The following SLC16A10 variants were observed in gnomAD, a reference collection of about 807,000 sequenced individuals.
SLC16A10 encodes solute carrier family 16 member 10, also known as monocarboxylate transporter 10.
SLC16A10 carries 27 observed loss-of-function variants against 40.0 expected under a neutral mutation model. The ratio of observed to expected loss-of-function variants is 0.67; its 90% CI spans 0.50 to 0.93. The LOEUF is 0.93. Ranked by LOEUF, SLC16A10 falls within the 40% of genes least tolerant of loss-of-function variation. The pLI, the probability that SLC16A10 is intolerant of heterozygous loss-of-function variation, is 0.00. For synonymous variants in SLC16A10, 213 were observed against 249.8 expected (o/e 0.85, Z 1.39); for missense variants, 529 against 658.2 (o/e 0.80, Z 2.15).
rs549459610 is a variant in SLC16A10 at position 111,191,422 on chromosome 6, A to G, written c.942+13757A>G. ...TTTTTCTTTATCCAGTCTATCACTG[A>G]TGGGCATTTGGGTTGGTTCCAAGTC... On this transcript the variant is annotated intron_variant, in intron 3 of 5. Coordinates refer to ENST00000368851, the MANE Select transcript of SLC16A10 (RefSeq NM_018593.5). Among the ~76,000 whole-genome samples, 21 of 152,188 alleles carry G rather than the reference A, an allele frequency of 1.4e-4. No individual in the cohort carries two copies. The South Asian group carries it at 2.7e-3, about 20-fold the overall frequency.
intron 1 of SLC16A10, among the ~76,000 whole-genome samples, chr6:111,089,553 A>G (rs1770935266): frequency 6.6e-6 from 1 of 152,192 alleles, no homozygotes; most frequent in Non-Finnish European, 1.5e-5. Flanking sequence ...TAGCTATTGA[A>G]ACTGCTGTGG....
At chr6:111,190,885 T>G (rs992084643) in intron 3 of SLC16A10, among the ~76,000 whole-genome samples, 2 of 152,274 alleles carry the variant, frequency 1.3e-5, no homozygotes, top group Non-Finnish European at 2.9e-5. Flanking sequence ...GTTGAAGGTC[T>G]CTGACATGCC....
chr6:111,187,340 A>C (rs756790120), intron 3 of SLC16A10, among the ~76,000 whole-genome samples: 1 of 152,200 alleles, frequency 6.6e-6, no homozygotes, highest in Non-Finnish European at 1.5e-5. Flanking sequence ...AGGATGGTAC[A>C]TGGTGCAGCC....
At position 111,087,769 on chromosome 6, in the gene SLC16A10, A is replaced by T. The variant is rs1583295120; in HGVS notation, c.17A>T (p.Glu6Val). ...CCTCGGGCCATGGTGCTCTCCCAGG[A>T]GGAGCCGGACTCCGCGCGGGGCACG... is the stretch of plus-strand genomic sequence containing the variant. MVLSQ[E>V]EPDSARGTSE... Residue 6 changes from glutamate (E) to valine (V), a missense_variant, in exon 1 of 6, where the codon GAG becomes GTG. Glu to Val is a moderately radical substitution (Grantham distance 121, BLOSUM62 -2). Coordinates refer to ENST00000368851, the MANE Select transcript of SLC16A10 (RefSeq NM_018593.5). 2 of 1,217,676 alleles carry T rather than the reference A, an allele frequency of 1.6e-6. No homozygotes were observed. Among genetic ancestry groups the T allele is most frequent in the Admixed American group, 8.8e-5 (2 of 22,652 alleles). The allele number at this position is 1,217,676 out of a possible 1,614,324, so 75.4% of individuals were successfully genotyped here.
At chr6:111,102,547 T>C (rs778279395) in intron 1 of SLC16A10, among the ~76,000 whole-genome samples, 1 of 152,142 alleles carries the variant, frequency 6.6e-6, no homozygotes, top group African/African-American at 2.4e-5. Flanking sequence ...TTCATTCCCA[T>C]AGGTAATGAA....
rs567526971 is a variant in SLC16A10, at chr6:111,095,258, T to C, written c.343+7163T>C. On this transcript the variant is annotated intron_variant, in intron 1 of 5. Transcript: ENST00000368851. The stretch of plus-strand genomic sequence containing the variant: ...GCCTCTGTACCTTTGTGTGTGCCAC[T>C]CCTGTCTTCAGTGCGATGGTTGGTC... Among the ~76,000 whole-genome samples the C allele has an allele frequency of 6.6e-5, 10 of 152,336 alleles. No individual in the cohort carries two copies. In the East Asian group the frequency reaches 1.9e-3, roughly 29 times the overall value.
intron 3 of SLC16A10, among the ~76,000 whole-genome samples, chr6:111,206,019 G>A (rs562321545): frequency 2.6e-5 from 4 of 152,072 alleles, no homozygotes; most frequent in South Asian, 2.1e-4. Context: ...TAATGGATCA[G>A]TGTAGCTTAT....
At position 111,087,943 on chromosome 6, in the gene SLC16A10, C is replaced by A. The variant is rs1364730122; in HGVS notation, c.191C>A (p.Pro64His). ...ATAEPHEPPE[P>H]PEGGWGWLVM... ...GCGGAGCCCCATGAGCCCCCCGAAC[C>A]CCCCGAGGGCGGCTGGGGCTGGCTG... The change falls in exon 1 of 6, where the codon CCC becomes CAC. Residue 64 changes from proline (P) to histidine (H), a missense_variant. Pro to His is a moderately conservative substitution (Grantham distance 77). Transcript: ENST00000368851. The A allele has an allele frequency of 6.2e-7, 1 of 1,608,824 alleles. No individual in the cohort carries two copies. The highest frequency in any genetic ancestry group is 8.5e-7 in the Non-Finnish European group (1 of 1,178,122).
chr6:111,115,606 A>G (rs1369927860), intron 1 of SLC16A10, among the ~76,000 whole-genome samples: 2 of 152,218 alleles, frequency 1.3e-5, no homozygotes, highest in Non-Finnish European at 2.9e-5. Context: ...TTTCCATTAT[A>G]TGTTTCTTTG....
intron 1 of SLC16A10, among the ~76,000 whole-genome samples, chr6:111,137,112 C>T (rs1013281578): frequency 1.3e-5 from 2 of 152,164 alleles, no homozygotes; most frequent in Admixed American, 6.5e-5. Context: ...AGCCACAAGG[C>T]GGGACCCTCC....
rs1279508956 is a variant in SLC16A10 at position 111,087,727 on chromosome 6, G to A, written c.-26G>A. On this transcript the variant is annotated 5_prime_UTR_variant, in exon 1 of 6. Transcript: ENST00000368851. ...TAACTCGCGTCCCTCGCGCTTCTCC[G>A]GCGCCTGAGGGGCCCGCCTCGGGCC... is the stretch of plus-strand genomic sequence containing the variant. 1.7e-6 allele frequency: 2 copies of A among 1,184,438 alleles called. No homozygotes were observed. The highest frequency in any genetic ancestry group is 3.5e-5 in the East Asian group (1 of 28,980). The allele number at this position is 1,184,438 out of a possible 1,614,324, so 73.4% of individuals were successfully genotyped here.
chr6:111,088,658 C>CT (rs1562392753), intron 1 of SLC16A10, among the ~76,000 whole-genome samples: 1 of 152,256 alleles, frequency 6.6e-6, no homozygotes, highest in South Asian at 2.1e-4. Context: ...GTCCCCCCGC[C>CT]TTTTTTTGCC....
At chr6:111,126,938 T>C (rs1048821590) in intron 1 of SLC16A10, among the ~76,000 whole-genome samples, 2 of 152,196 alleles carry the variant, frequency 1.3e-5, no homozygotes, top group African/African-American at 4.8e-5. Context: ...AATGAGATAA[T>C]AGGTAGAATT....
chr6:111,185,804 C>G (rs961335037), intron 3 of SLC16A10, among the ~76,000 whole-genome samples: 1 of 151,934 alleles, frequency 6.6e-6, no homozygotes, highest in Non-Finnish European at 1.5e-5. Flanking sequence ...ATAAACGCTC[C>G]GAGGCCACTG....
In SLC16A10 at chr6:111,146,713, G is replaced by A. The variant is rs1772085369; in HGVS notation, c.344-25982G>A. Among the ~76,000 whole-genome samples, 6 of 151,938 alleles carry A rather than the reference G, an allele frequency of 3.9e-5. No homozygotes were observed. The South Asian group carries it at 1.2e-3, about 32-fold the overall frequency. On this transcript the variant is annotated intron_variant, in intron 1 of 5. Transcript: ENST00000368851. ...GATTGCGCCACTGCACTCCAGCCTG[G>A]GCAACAGAGCGAGACTCCGTCTCAA...
intron 4 of SLC16A10, among the ~76,000 whole-genome samples, chr6:111,216,494 G>C (rs1413721340): frequency 1.3e-5 from 2 of 151,708 alleles, no homozygotes; most frequent in East Asian, 1.9e-4. Context: ...AGCTCCGCCT[G>C]CTGGGTTGAC....
At chr6:111,136,256 A>G (rs561230055) in intron 1 of SLC16A10, among the ~76,000 whole-genome samples, 21 of 152,344 alleles carry the variant, frequency 1.4e-4, no homozygotes, top group African/African-American at 4.8e-4. Flanking sequence ...TGTCACAGAA[A>G]AAATAGGAAT....
At chr6:111,092,315 G>GGTT (rs1770990515) in intron 1 of SLC16A10, among the ~76,000 whole-genome samples, 1 of 98,594 alleles carries the variant, frequency 1.0e-5, no homozygotes, top group African/African-American at 4.1e-5. Flanking sequence ...TTTTTTTGTT[G>GGTT]TTTTTTTTTT....
intron 3 of SLC16A10, among the ~76,000 whole-genome samples, chr6:111,184,813 T>C (rs1772866194): frequency 1.3e-5 from 2 of 152,342 alleles, no homozygotes; most frequent in South Asian, 2.1e-4. Context: ...AATGAAAATT[T>C]GAGACTAATA....
Sources: allele counts gnomAD v4.1 joint callset (sites outside exome capture counted in the v4.1 genomes callset), GRCh38; gene constraint gnomAD v4.1.1; transcripts MANE v1.5; gene names NCBI Gene and HGNC (gene_info 2026-07-23, HGNC 2026-07-21).